SEC31A: variants seen among roughly 807,000 people sequenced by gnomAD.
SEC31A encodes SEC31 homolog A, COPII component, also known as protein transport protein Sec31A.
In SEC31A, 70 loss-of-function variants were observed where a neutral mutation model predicts 151.0. That is an observed-to-expected ratio of 0.46 (90% confidence interval 0.38 to 0.57). SEC31A has a LOEUF of 0.57. SEC31A is among the 20% of genes least tolerant of loss of function. The probability of loss-of-function intolerance (pLI) is 0.00; values close to 1 mark genes in which losing one functional copy is unlikely to be tolerated. For synonymous variants in SEC31A, 475 were observed against 505.9 expected (o/e 0.94, Z 0.82); for missense variants, 1,330 against 1,471.2 (o/e 0.90, Z 1.57).
intron 22 of SEC31A, chr4:82,829,410 A>G (rs1578129760): frequency 5.8e-6 from 1 of 172,890 alleles, no homozygotes; most frequent in Non-Finnish European, 1.2e-5. Context: ...TCTGCTAAAA[A>G]AACAAAAACA....
At chr4:82,896,266 T>G (rs529817566) in intron 3 of SEC31A, among the ~76,000 whole-genome samples, 7 of 152,300 alleles carry the variant, frequency 4.6e-5, no homozygotes, top group Non-Finnish European at 1.0e-4. Flanking sequence ...TCACCCAGGC[T>G]GGAGTGCAGT....
At chr4:82,869,302 T>TTGTA (rs1474316825) in intron 8 of SEC31A, among the ~76,000 whole-genome samples, 1 of 151,094 alleles carries the variant, frequency 6.6e-6, no homozygotes, top group African/African-American at 2.4e-5. Flanking sequence ...TTGTATTTTT[T>TTGTA]TTTTTTTTCA....
At chr4:82,856,519 G>C (rs1333696918) in intron 16 of SEC31A, among the ~76,000 whole-genome samples, 1 of 151,870 alleles carries the variant, frequency 6.6e-6, no homozygotes, top group East Asian at 2.0e-4. Context: ...GGGAGACCGA[G>C]GTGGGCGGAT....
chr4:82,825,180 A>T (rs1724261162), intron 24 of SEC31A, among the ~76,000 whole-genome samples: 1 of 152,250 alleles, frequency 6.6e-6, no homozygotes, highest in Admixed American at 6.5e-5. Flanking sequence ...GATGCTGCTG[A>T]GTATACAGAT....
chr4:82,842,714 A>G (rs1183768840), intron 21 of SEC31A: 3 of 455,494 alleles, frequency 6.6e-6, no homozygotes, highest in Non-Finnish European at 1.2e-5. Context: ...TCTGGTTATG[A>G]AAATATTTGA....
At chr4:82,871,262 GCA>G in intron 7 of SEC31A, 1 of 1,333,216 alleles carries the variant, frequency 7.5e-7, no homozygotes, top group Non-Finnish European at 9.8e-7. Flanking sequence ...CTAACTATAT[GCA>G]CAAATTATCC....
chr4:82,859,154 A>G (rs866481238), intron 14 of SEC31A, among the ~76,000 whole-genome samples: 4 of 152,176 alleles, frequency 2.6e-5, no homozygotes, highest in Admixed American at 6.5e-5. Flanking sequence ...CATGGTACCC[A>G]TAACATAAAA....
At chr4:82,888,493 C>G (rs141235642) in intron 1 of SEC31A, among the ~76,000 whole-genome samples, 1,937 of 132,032 alleles carry the variant, frequency 0.015, 103 homozygotes, top group Admixed American at 0.11. Flanking sequence ...ACATCCAGAT[C>G]ATCCTGGCCA....
At chr4:82,869,080 A>G (rs577142715) in intron 8 of SEC31A, among the ~76,000 whole-genome samples, 14 of 152,080 alleles carry the variant, frequency 9.2e-5, no homozygotes, top group African/African-American at 3.4e-4. Flanking sequence ...TAGATGATTT[A>G]TCTATCCTTT....
rs1377523205 is a variant in SEC31A at position 82,857,123 on chromosome 4, A to T, written c.1710T>A (p.Asp570Glu). 6.2e-7 allele frequency: 1 copy of T among 1,609,396 alleles called. No homozygotes were observed. The highest frequency in any genetic ancestry group is 1.1e-5 in the South Asian group (1 of 89,584). Residue 570 changes from aspartate (D) to glutamate (E), a missense_variant, in exon 16 of 27, where the codon GAT becomes GAA. Coordinates refer to ENST00000395310, the MANE Select transcript of SEC31A (RefSeq NM_001077207.4). ...TFNISVSGDI[D>E]GLITQALLTG... Reference sequence around the variant, plus strand: ...TCAGCAAAGCCTGAGTAATTAAACCATCAATGTCTGCAACAAGAAAATAAT... The same window carrying T: ...TCAGCAAAGCCTGAGTAATTAAACCTTCAATGTCTGCAACAAGAAAATAAT...
At chr4:82,827,666 T>A (rs917038962) in intron 23 of SEC31A, 34 bp from the exon 24 acceptor site, 1 of 1,599,932 alleles carries the variant, frequency 6.3e-7, no homozygotes, top group Admixed American at 1.7e-5. Context: ...ACACCAGGAG[T>A]AAGAATAAAA....
Position 82,848,989 on chromosome 4 carries a change from T to C in SEC31A, c.2329-12A>G. The C allele has an allele frequency of 1.2e-6, 2 of 1,610,346 alleles. No homozygotes were observed. The highest frequency in any genetic ancestry group is 1.7e-6 in the Non-Finnish European group (2 of 1,178,434). ...TGCATGATATTTGGCTAAAAAGGAT[T>C]GGAAAAACAGCAGACTGTTGAGAGT... On this transcript the variant is annotated splice_polypyrimidine_tract_variant and intron_variant, in intron 19 of 26. Coordinates refer to ENST00000395310, the MANE Select transcript of SEC31A (RefSeq NM_001077207.4).
Position 82,824,685 on chromosome 4 carries a change from C to T in SEC31A, c.3292-11G>A. On this transcript the variant is annotated splice_polypyrimidine_tract_variant and intron_variant, in intron 24 of 26. Coordinates refer to ENST00000395310, the MANE Select transcript of SEC31A (RefSeq NM_001077207.4). The stretch of plus-strand genomic sequence containing the variant: ...CAAAGACTGCACATGCTGGAAGAAA[C>T]ACACCAAAAACTGATCAGAAATGAC... 6.2e-7 allele frequency: 1 copy of T among 1,612,754 alleles called. No homozygotes were observed. Among genetic ancestry groups the T allele is most frequent in the Non-Finnish European group, 8.5e-7 (1 of 1,179,628 alleles).
At chr4:82,874,215 T>C (rs1024786998) in intron 6 of SEC31A, among the ~76,000 whole-genome samples, 6 of 151,812 alleles carry the variant, frequency 4.0e-5, no homozygotes, top group Non-Finnish European at 8.8e-5. Context: ...GGAGAAGTGC[T>C]TGAACCCAGG....
rs142194670 is a variant in SEC31A, at chr4:82,890,912, C to A, written c.-5+176G>T. On this transcript the variant is annotated intron_variant, in intron 1 of 26. Transcript: ENST00000395310. ...GGGCGCGATCACTGGAGTCCAGATG[C>A]CAGGCGTTGTTCCGCCGGGCCCGAA... 5.6e-3 allele frequency: 7,866 copies of A among 1,413,414 alleles called. 66 individuals carry two copies. Among genetic ancestry groups the A allele is most frequent in the Middle Eastern group, 0.013 (59 of 4,630 alleles). The allele number at this position is 1,413,414 out of a possible 1,614,324, so 87.6% of individuals were successfully genotyped here. A position where few individuals can be genotyped will look rare whatever the true frequency, so the allele number is the denominator to read the frequency against.
At chr4:82,828,807 G>A (rs1436814928) in intron 23 of SEC31A, among the ~76,000 whole-genome samples, 193 bp downstream of exon 23, 2 of 151,670 alleles carry the variant, frequency 1.3e-5, no homozygotes, top group South Asian at 2.1e-4. Context: ...ATCAGAACAA[G>A]GTTTTGATGA....
chr4:82,858,891 C>T (rs28733504), intron 14 of SEC31A, among the ~76,000 whole-genome samples: 143,903 of 151,248 alleles, frequency 0.95, 68,504 homozygotes, highest in East Asian at 1. Flanking sequence ...TTAGTAGAGA[C>T]GGGGTTTCAC....
chr4:82,875,662 A>T (rs1386090797), intron 5 of SEC31A, 65 bp downstream of exon 5: 1 of 837,014 alleles, frequency 1.2e-6, no homozygotes. Flanking sequence ...AAGTGAAATA[A>T]GTAGGTTTAG....
At chr4:82,876,107 CTTTT>C (rs200156848) in intron 4 of SEC31A, among the ~76,000 whole-genome samples, 51,843 of 126,680 alleles carry the variant, frequency 0.41, 10,628 homozygotes, top group Admixed American at 0.54. Context: ...TGGATAAATT[CTTTT>C]TTTTTTTTTT....
Sources: allele counts gnomAD v4.1 joint callset (sites outside exome capture counted in the v4.1 genomes callset), GRCh38; gene constraint gnomAD v4.1.1; transcripts MANE v1.5; gene names NCBI Gene and HGNC (gene_info 2026-07-23, HGNC 2026-07-21).